Variants in BNIP5 observed in about 807,000 individuals in gnomAD.
The protein encoded by BNIP5 is BCL2 interacting protein 5, also known as protein BNIP5.
BNIP5 carries 61 observed loss-of-function variants against 67.3 expected under a neutral mutation model. That is an observed-to-expected ratio of 0.91 (90% confidence interval 0.74 to 1.12). The LOEUF (loss-of-function observed/expected upper bound fraction) is 1.12. BNIP5 is among the 50% of genes most tolerant of loss of function. BNIP5 has a pLI of 0.00. For missense variants in BNIP5, 826 were observed against 816.3 expected (o/e 1.01, Z -0.14); for synonymous variants, 317 against 319.0 (o/e 0.99, Z 0.07).
chr6:36,332,154 ACTC>A (rs1186462871), intron 1 of BNIP5, among the ~76,000 whole-genome samples: 1 of 149,992 alleles, frequency 6.7e-6, no homozygotes, highest in African/African-American at 2.5e-5. Context: ...CATCTCTCTC[ACTC>A]CACTCCACGC....
chr6:36,328,032 C>CT (rs936974106), intron 3 of BNIP5, among the ~76,000 whole-genome samples: 92 of 152,224 alleles, frequency 6.0e-4, no homozygotes, highest in African/African-American at 2.1e-3. Flanking sequence ...ATATGCTCAT[C>CT]TTTTTTACAG....
chr6:36,318,470 G>C (rs943333073), intron 11 of BNIP5, among the ~76,000 whole-genome samples: 48 of 152,200 alleles, frequency 3.2e-4, no homozygotes, highest in African/African-American at 1.1e-3. Context: ...CACTTTGGGA[G>C]GCCAAGGTGG....
intron 7 of BNIP5, 143 bp downstream of exon 7, chr6:36,323,986 C>T: frequency 1.5e-6 from 1 of 664,186 alleles, no homozygotes; most frequent in Non-Finnish European, 2.6e-6. Context: ...GGCGACAGAG[C>T]AAGACTCCGT....
At chr6:36,321,366 C>A in intron 9 of BNIP5, 147 bp from the exon 10 acceptor site, 1 of 656,752 alleles carries the variant, frequency 1.5e-6, no homozygotes, top group Non-Finnish European at 2.7e-6. Flanking sequence ...TATGATGGAC[C>A]CAGACAATTC....
chr6:36,326,647 T>A lies in BNIP5; in HGVS notation c.899A>T (p.Asn300Ile). Residue 300 changes from asparagine to isoleucine, a missense_variant, in exon 5 of 12, where the codon AAC becomes ATC. Coordinates refer to ENST00000437635, the MANE Select transcript of BNIP5 (RefSeq NM_001010903.5). ...KTSLKRTSKTNPKKHGSEEAK... is the reference protein window; with the variant it reads ...KTSLKRTSKTIPKKHGSEEAK... ...CTCCTCGGAGCCGTGTTTCTTGGGGTTTGTCTTTGAGGTTCTCTTGAGGCT... is the reference window on the plus strand; with the variant it reads ...CTCCTCGGAGCCGTGTTTCTTGGGGATTGTCTTTGAGGTTCTCTTGAGGCT... 1 of 1,613,972 alleles carries A rather than the reference T, an allele frequency of 6.2e-7. No individual in the cohort carries two copies. Among genetic ancestry groups the A allele is most frequent in the Non-Finnish European group, 8.5e-7 (1 of 1,179,988 alleles).
At chr6:36,330,790 G>T (rs992402362) in intron 1 of BNIP5, 96 bp from the exon 2 acceptor site, 32 of 1,442,782 alleles carry the variant, frequency 2.2e-5, no homozygotes, top group African/African-American at 2.1e-4. Flanking sequence ...TTATGACGGA[G>T]CCTCGGTCTA....
rs561798996 is a variant in BNIP5, at chr6:36,316,554, C to A, written c.*802G>T. On this transcript the variant is annotated 3_prime_UTR_variant, in exon 12 of 12. Coordinates refer to ENST00000437635, the MANE Select transcript of BNIP5 (RefSeq NM_001010903.5). Reference sequence around the variant, plus strand: ...TCTTGAGCAGTGCACCCCTGTGCAACAATCCATGGCAGTCCAGCCCATTGA... The same window carrying A: ...TCTTGAGCAGTGCACCCCTGTGCAAAAATCCATGGCAGTCCAGCCCATTGA... 7 of 398,724 alleles carry A rather than the reference C, an allele frequency of 1.8e-5. No individual in the cohort carries two copies. The South Asian group carries it at 8.9e-4, about 51-fold the overall frequency. The allele number at this position is 398,724 out of a possible 1,614,324, so 24.7% of individuals were successfully genotyped here. A position where few individuals can be genotyped will look rare whatever the true frequency, so the allele number is the denominator to read the frequency against.
intron 1 of BNIP5, among the ~76,000 whole-genome samples, chr6:36,332,518 T>C (rs914265037): frequency 7.2e-5 from 11 of 152,186 alleles, no homozygotes. Context: ...TCACTGCCAC[T>C]CAATAAGCAC....
At chr6:36,326,852 C>T (rs369578078) in intron 4 of BNIP5, 99 bp from the exon 5 acceptor site, 327 of 1,550,116 alleles carry the variant, frequency 2.1e-4, no homozygotes, top group Middle Eastern at 3.7e-4. Flanking sequence ...AAGATGGCCC[C>T]GAGAGAGGGG....
Position 36,325,381 on chromosome 6 carries a change from G to T in BNIP5, c.1070C>A (p.Ser357Tyr). 6.2e-7 allele frequency: 1 copy of T among 1,613,834 alleles called. No individual in the cohort carries two copies. Among genetic ancestry groups the T allele is most frequent in the Non-Finnish European group, 8.5e-7 (1 of 1,179,912 alleles). ...GGGACCTGGAGCCCCAGCCTCTGTAGATGGGGCCTCCTGGACTTTAGGTTC... is the reference window on the plus strand; with the variant it reads ...GGGACCTGGAGCCCCAGCCTCTGTATATGGGGCCTCCTGGACTTTAGGTTC... ...LEEPKVQEAP[S>Y]TEAGAPGPSV... The change falls in exon 6 of 12, where the codon TCT becomes TAT. Residue 357 changes from serine to tyrosine, a missense_variant. Physicochemically the swap from Ser to Tyr is moderately radical, Grantham distance 144 (BLOSUM62 -2). Transcript: ENST00000437635.
intron 5 of BNIP5, among the ~76,000 whole-genome samples, chr6:36,325,716 T>A (rs772531933): frequency 6.6e-6 from 1 of 152,320 alleles, no homozygotes; most frequent in Admixed American, 6.5e-5. Context: ...CATGAATTAA[T>A]GAATCATAGC....
At chr6:36,335,240 C>T (rs1335127146) in intron 1 of BNIP5, among the ~76,000 whole-genome samples, 2 of 152,190 alleles carry the variant, frequency 1.3e-5, no homozygotes, top group African/African-American at 4.8e-5. Context: ...CACCTGGCCG[C>T]GTTACTCTCT....
intron 6 of BNIP5, 91 bp downstream of exon 6, chr6:36,325,192 G>C: frequency 7.1e-7 from 1 of 1,413,590 alleles, no homozygotes; most frequent in South Asian, 1.2e-5. Context: ...ACAGGTCACT[G>C]CCTCTCTCTG....
chr6:36,332,987 A>G (rs1345397414), intron 1 of BNIP5, among the ~76,000 whole-genome samples: 1 of 152,240 alleles, frequency 6.6e-6, no homozygotes, highest in Non-Finnish European at 1.5e-5. Context: ...GTTTAGTGGT[A>G]TGGGATGTAC....
In BNIP5 at chr6:36,315,964, A is replaced by G. The variant is rs974084611; in HGVS notation, c.*1392T>C. On this transcript the variant is annotated 3_prime_UTR_variant, in exon 12 of 12. Coordinates refer to ENST00000437635, the MANE Select transcript of BNIP5 (RefSeq NM_001010903.5). ...GGTGCTATGATTGTGAACACTGCCT[A>G]AAACAAATCCACAAATAGCTCACCT... The G allele has an allele frequency of 2.6e-5, 4 of 152,840 alleles. No homozygotes were observed. Among genetic ancestry groups the G allele is most frequent in the African/African-American group, 7.2e-5 (3 of 41,436 alleles). The allele number at this position is 152,840 out of a possible 1,614,324, so 9.5% of individuals were successfully genotyped here.
At chr6:36,324,578 TATATATATATATATATATATA>T (rs1771717087) in intron 6 of BNIP5, among the ~76,000 whole-genome samples, 1 of 1,822 alleles carries the variant, frequency 5.5e-4, no homozygotes, top group African/African-American at 1.5e-3. Flanking sequence ...GGTGATATTA[TATATATATATATATATATATA>T]TATATATATA....
At chr6:36,325,137 C>T in intron 6 of BNIP5, 146 bp downstream of exon 6, 1 of 842,874 alleles carries the variant, frequency 1.2e-6, no homozygotes, top group African/African-American at 1.7e-5. Flanking sequence ...GGGCTCTGGG[C>T]CCCAAGCTGC....
At chr6:36,321,130 C>T in intron 10 of BNIP5, 25 bp downstream of exon 10, 2 of 1,554,072 alleles carry the variant, frequency 1.3e-6, no homozygotes, top group Non-Finnish European at 1.7e-6. Context: ...TGGGGTTGGC[C>T]TGGGGAGGGC....
intron 7 of BNIP5, 74 bp from the exon 8 acceptor site, chr6:36,323,607 A>C (rs1157257213): frequency 4.5e-6 from 7 of 1,562,926 alleles, no homozygotes; most frequent in Non-Finnish European, 6.1e-6. Flanking sequence ...GGGGAAAGAG[A>C]GCCACGGTGG....
Sources: gnomAD v4.1 joint callset for allele counts (sites outside exome capture counted in the v4.1 genomes callset) on GRCh38, gnomAD v4.1.1 for gene constraint, MANE v1.5 for transcripts, NCBI Gene and HGNC (gene_info 2026-07-23, HGNC 2026-07-21) for gene names.